CPD: variants seen among roughly 807,000 people sequenced by gnomAD.
The protein encoded by CPD is carboxypeptidase D.
Under a neutral mutation model 138.3 loss-of-function variants are expected in CPD, and 69 were observed. The ratio of observed to expected loss-of-function variants is 0.50; its 90% CI spans 0.41 to 0.61. The LOEUF (loss-of-function observed/expected upper bound fraction) is 0.61. CPD is among the 20% of genes least tolerant of loss of function. The pLI is 0.00. For missense variants in CPD, 1,432 were observed against 1,733.3 expected (o/e 0.83, Z 3.09); for synonymous variants, 651 against 642.1 (o/e 1.01, Z -0.21).
At chr17:30,449,512 C>A in intron 12 of CPD, 41 bp from the exon 13 acceptor site, 1 of 1,514,790 alleles carries the variant, frequency 6.6e-7, no homozygotes, top group Admixed American at 2.4e-5. Flanking sequence ...TAACATAGTG[C>A]TTGATTACTT....
Position 30,379,754 on chromosome 17 carries a change from C to T in CPD, c.746+28C>T, listed in dbSNP as rs1200428588. The stretch of plus-strand genomic sequence containing the variant: ...GAGTGTTGCCTGCCCCCTCCCCGTC[C>T]GTGTGAGCCTCCAAGGGCCGAGGCT... On this transcript the variant is annotated intron_variant, in intron 1 of 20. Transcript: ENST00000225719. The surrounding 1 kb of genome is among the most constrained non-coding windows in gnomAD (Gnocchi z 7.0). 3.6e-6 allele frequency: 5 copies of T among 1,406,096 alleles called. No homozygotes were observed. Among genetic ancestry groups the T allele is most frequent in the African/African-American group, 1.5e-5 (1 of 66,186 alleles). 87.1% of individuals were successfully genotyped at this position (1,406,096 alleles called of 1,614,324 possible).
intron 8 of CPD, among the ~76,000 whole-genome samples, chr17:30,432,699 A>G (rs1453742358): frequency 2.0e-5 from 3 of 152,056 alleles, no homozygotes; most frequent in Admixed American, 6.6e-5. Context: ...TTGAGCTCTC[A>G]GGAGTTTGAG....
chr17:30,456,924 T>C (rs1461059476), intron 17 of CPD: 1 of 176,154 alleles, frequency 5.7e-6, no homozygotes, highest in Non-Finnish European at 1.2e-5. Flanking sequence ...ACTTTTCTGG[T>C]ATTGTAAAGT....
chr17:30,385,371 A>G (rs1911156461), intron 2 of CPD, 135 bp downstream of exon 2: 6 of 1,112,708 alleles, frequency 5.4e-6, no homozygotes, highest in Non-Finnish European at 6.2e-6. Context: ...GAAAATTTCA[A>G]ATCTACAGCA....
chr17:30,383,658 A>G (rs951856336), intron 1 of CPD, among the ~76,000 whole-genome samples: 10 of 151,982 alleles, frequency 6.6e-5, no homozygotes, highest in African/African-American at 2.4e-4. Flanking sequence ...AGTAATTTTC[A>G]TTGTTTGATC....
intron 8 of CPD, among the ~76,000 whole-genome samples, chr17:30,437,027 A>G (rs1311916887): frequency 2.0e-5 from 3 of 152,184 alleles, no homozygotes; most frequent in East Asian, 3.8e-4. Context: ...ACAAGAGACT[A>G]CATATTGTAT....
Position 30,385,201 on chromosome 17 carries a change from G to T in CPD, c.959G>T (p.Gly320Val). 1 of 1,613,956 alleles carries T rather than the reference G, an allele frequency of 6.2e-7. No individual in the cohort carries two copies. The highest frequency in any genetic ancestry group is 8.5e-7 in the Non-Finnish European group (1 of 1,179,934). The change falls in exon 2 of 21, where the codon GGA becomes GTA. Residue 320 changes from glycine (G) to valine (V), a missense_variant. By Grantham distance (109) the Gly-to-Val change is moderately radical. Coordinates refer to ENST00000225719, the MANE Select transcript of CPD (RefSeq NM_001304.5). ...GATGAAGACGAGACTTTCAAAGATGGAATCACAAACGGCGCACATTGGTAT... is the reference window on the plus strand; with the variant it reads ...GATGAAGACGAGACTTTCAAAGATGTAATCACAAACGGCGCACATTGGTAT... ...PGDEDETFKD[G>V]ITNGAHWYDV... is the part of the protein sequence containing the mutation.
chr17:30,421,897 A>G, intron 4 of CPD, 64 bp downstream of exon 4: 1 of 1,229,686 alleles, frequency 8.1e-7, no homozygotes, highest in Admixed American at 1.9e-5. Flanking sequence ...TATCTGAGAC[A>G]GAAATATAGT....
intron 17 of CPD, among the ~76,000 whole-genome samples, chr17:30,460,739 A>G (rs1352968180): frequency 1.3e-5 from 2 of 152,212 alleles, no homozygotes; most frequent in African/African-American, 4.8e-5. Flanking sequence ...GCCGTATTGC[A>G]GGGAGTGGAT....
At chr17:30,461,700 G>A (rs565469286) in intron 18 of CPD, among the ~76,000 whole-genome samples, 177 bp from the exon 19 acceptor site, 1 of 152,256 alleles carries the variant, frequency 6.6e-6, no homozygotes, top group African/African-American at 2.4e-5. Context: ...TAGCAAACAA[G>A]GTCAGAGTCA....
chr17:30,443,675 T>G lies in CPD; in HGVS notation c.2374-127T>G, dbSNP rs1597731830. 5 of 898,564 alleles carry G rather than the reference T, an allele frequency of 5.6e-6. No homozygotes were observed. In the East Asian group the frequency reaches 1.3e-4, roughly 23 times the overall value. The allele number at this position is 898,564 out of a possible 1,614,324, so 55.7% of individuals were successfully genotyped here. ...TGAACATTTACATTGAACTTTACTCTGAACTCCTAAATTCCTGTTTGTTCC... is the reference window on the plus strand; with the variant it reads ...TGAACATTTACATTGAACTTTACTCGGAACTCCTAAATTCCTGTTTGTTCC... On this transcript the variant is annotated intron_variant, in intron 10 of 20. Transcript: ENST00000225719.
chr17:30,438,856 C>A, intron 8 of CPD, 119 bp from the exon 9 acceptor site: 1 of 562,874 alleles, frequency 1.8e-6, no homozygotes, highest in Non-Finnish European at 3.1e-6. Context: ...CCCACTCCCA[C>A]CTCCACCCCT....
chr17:30,397,274 AG>A (rs1911533995), intron 2 of CPD, among the ~76,000 whole-genome samples: 1 of 152,226 alleles, frequency 6.6e-6, no homozygotes, highest in South Asian at 2.1e-4. Flanking sequence ...ATTAATACTT[AG>A]AGCATTACAG....
At chr17:30,426,337 G>A (rs1165637761) in intron 6 of CPD, among the ~76,000 whole-genome samples, 1 of 152,216 alleles carries the variant, frequency 6.6e-6, no homozygotes, top group Non-Finnish European at 1.5e-5. Flanking sequence ...GAGAATTGGA[G>A]TTATCACTCA....
chr17:30,461,613 G>C (rs1567885887), intron 18 of CPD, among the ~76,000 whole-genome samples: 1 of 152,086 alleles, frequency 6.6e-6, no homozygotes, highest in Non-Finnish European at 1.5e-5. Context: ...TGGAAGATTG[G>C]GTTCTAATGC....
chr17:30,463,920 T>C (rs1913559774), intron 20 of CPD, among the ~76,000 whole-genome samples: 1 of 152,198 alleles, frequency 6.6e-6, no homozygotes, highest in South Asian at 2.1e-4. Context: ...TTTCTAACAC[T>C]TTTATTTTGA....
chr17:30,395,937 TTAAGA>T (rs925787631), intron 2 of CPD, among the ~76,000 whole-genome samples: 6 of 152,130 alleles, frequency 3.9e-5, no homozygotes, highest in African/African-American at 1.4e-4. Context: ...GTTCAGTTAG[TTAAGA>T]TTTGATCAAT....
intron 20 of CPD, 54 bp from the exon 21 acceptor site, chr17:30,464,534 T>G: frequency 6.9e-7 from 1 of 1,452,958 alleles, no homozygotes; most frequent in Non-Finnish European, 9.6e-7. Flanking sequence ...AAGCGGCTGC[T>G]TATTAATATC....
intron 2 of CPD, among the ~76,000 whole-genome samples, chr17:30,387,378 C>T (rs1164060153): frequency 1.3e-5 from 2 of 152,222 alleles, no homozygotes; most frequent in East Asian, 3.8e-4. Context: ...CTCAGCCTCC[C>T]AAAGTGCTGG....
Sources: gnomAD v4.1 joint callset for allele counts (sites outside exome capture counted in the v4.1 genomes callset) on GRCh38, gnomAD v4.1.1 for gene constraint, Gnocchi (gnomAD v3.1) non-coding constraint, MANE v1.5 for transcripts, NCBI Gene and HGNC (gene_info 2026-07-23, HGNC 2026-07-21) for gene names.